The following MCU variants were observed in gnomAD, a reference collection of about 807,000 sequenced individuals.
MCU encodes the protein mitochondrial calcium uniporter.
In MCU, 12 loss-of-function variants were observed where a neutral mutation model predicts 45.2. The ratio of observed to expected loss-of-function variants is 0.27; its 90% CI spans 0.17 to 0.43. The LOEUF (loss-of-function observed/expected upper bound fraction) is 0.43, where lower values mean the gene tolerates loss of function less well. Ranked by LOEUF, MCU falls within the 20% of genes least tolerant of loss-of-function variation. The pLI is 1.00. For missense variants in MCU, 324 were observed against 436.7 expected, an observed-to-expected ratio of 0.74 and a Z score of 2.30; for synonymous variants, 160 against 165.1, an observed-to-expected ratio of 0.97 and a Z score of 0.24.
At chr10:72,692,906 G>C (rs1244273917) in intron 1 of MCU, 1 of 1,489,716 alleles carries the variant, frequency 6.7e-7, no homozygotes. Flanking sequence ...TGGGGAACCG[G>C]CTCCCTCGAG....
At chr10:72,798,594 C>T (rs1844289157) in intron 1 of MCU, among the ~76,000 whole-genome samples, 1 of 151,978 alleles carries the variant, frequency 6.6e-6, no homozygotes, top group East Asian at 1.9e-4. Flanking sequence ...TTGTATGCTC[C>T]TCTCAGGACT....
intron 1 of MCU, among the ~76,000 whole-genome samples, chr10:72,765,104 AAGAG>A (rs1307665134): frequency 6.0e-4 from 91 of 151,544 alleles, no homozygotes; most frequent in Admixed American, 1.2e-3. Context: ...AAAAAAAAAA[AAGAG>A]AGAGTTAGGG....
chr10:72,869,693 A>G (rs1426357246), intron 5 of MCU, among the ~76,000 whole-genome samples: 2 of 152,254 alleles, frequency 1.3e-5, no homozygotes, highest in Non-Finnish European at 2.9e-5. Context: ...ACATTGTATT[A>G]TAAGTAATCT....
intron 1 of MCU, among the ~76,000 whole-genome samples, chr10:72,751,341 C>CTTCTTTTTTTTTTTTTTTT (rs1474252109): frequency 2.2e-5 from 1 of 44,752 alleles, no homozygotes; most frequent in African/African-American, 8.4e-5. Flanking sequence ...TCTTCTTCTT[C>CTTCTTTTTTTTTTTTTTTT]TTTTTTTTTT....
intron 1 of MCU, among the ~76,000 whole-genome samples, chr10:72,744,675 T>C (rs1172066171): frequency 6.6e-6 from 1 of 152,192 alleles, no homozygotes; most frequent in Non-Finnish European, 1.5e-5. Flanking sequence ...TGGTCACAGC[T>C]TTGGGACAGA....
At chr10:72,726,384 T>TA (rs915303887) in intron 1 of MCU, among the ~76,000 whole-genome samples, 2 of 152,148 alleles carry the variant, frequency 1.3e-5, no homozygotes, top group Non-Finnish European at 2.9e-5. Context: ...AGTCAACTGA[T>TA]ACAGCTCTGT....
chr10:72,819,636 AT>A (rs1316226233), intron 1 of MCU, among the ~76,000 whole-genome samples: 1 of 150,954 alleles, frequency 6.6e-6, no homozygotes, highest in African/African-American at 2.4e-5. Context: ...TATTTTGAAA[AT>A]TTTCAAATCT....
intron 1 of MCU, among the ~76,000 whole-genome samples, chr10:72,805,026 T>C (rs576951175): frequency 6.6e-6 from 1 of 152,268 alleles, no homozygotes; most frequent in East Asian, 1.9e-4. Context: ...TGCCTCTGCC[T>C]CCCAAAGTTG....
intron 1 of MCU, among the ~76,000 whole-genome samples, chr10:72,769,018 A>AT (rs565569691): frequency 3.8e-4 from 56 of 145,996 alleles, no homozygotes; most frequent in African/African-American, 4.3e-4. Flanking sequence ...TGCACAGCTA[A>AT]TTTTTTTTTT....
At chr10:72,765,987 C>T (rs190372626) in intron 1 of MCU, among the ~76,000 whole-genome samples, 57 of 152,104 alleles carry the variant, frequency 3.7e-4, no homozygotes, top group Admixed American at 8.5e-4. Flanking sequence ...TTGACTCAGC[C>T]TCTTGAGTAG....
chr10:72,790,800 CA>C (rs1844147040), intron 1 of MCU, among the ~76,000 whole-genome samples: 1 of 152,202 alleles, frequency 6.6e-6, no homozygotes, highest in East Asian at 1.9e-4. Context: ...TGAATAACAC[CA>C]CTTCAGTCGA....
intron 1 of MCU, among the ~76,000 whole-genome samples, chr10:72,786,462 T>A (rs900988132): frequency 6.6e-6 from 1 of 152,142 alleles, no homozygotes; most frequent in African/African-American, 2.4e-5. Context: ...TTTTGAAGCA[T>A]GGCTGGGTGC....
intron 1 of MCU, among the ~76,000 whole-genome samples, chr10:72,810,764 G>T (rs1844531799): frequency 6.6e-6 from 1 of 151,980 alleles, no homozygotes. Context: ...CAAAGTGCTG[G>T]GATTACAGGT....
Position 72,864,710 on chromosome 10 carries a change from G to A in MCU, c.497-3993G>A, listed in dbSNP as rs568199121. ...AGGGGGGTGGTGCCCCAACACCCCC[G>A]CCACATTGTTCAAGGGTCAACTGTA... On this transcript the variant is annotated intron_variant, in intron 4 of 7. Coordinates refer to ENST00000373053, the MANE Select transcript of MCU (RefSeq NM_138357.3). 8.5e-5 allele frequency among the ~76,000 whole-genome samples: 13 copies of A among 152,228 alleles called. No homozygotes were observed. In the South Asian group the frequency reaches 1.2e-3, roughly 15 times the overall value.
intron 1 of MCU, among the ~76,000 whole-genome samples, chr10:72,726,383 AT>A (rs1843102524): frequency 6.6e-6 from 1 of 152,110 alleles, no homozygotes; most frequent in Non-Finnish European, 1.5e-5. Context: ...AAGTCAACTG[AT>A]ACAGCTCTGT....
At position 72,884,216 on chromosome 10, in the gene MCU, G is replaced by T. The variant is rs199713060; in HGVS notation, c.862-50G>T. 9.4e-6 allele frequency: 10 copies of T among 1,067,732 alleles called. No homozygotes were observed. The East Asian group carries it at 2.4e-4, about 25-fold the overall frequency. The allele number at this position is 1,067,732 out of a possible 1,614,324, so 66.1% of individuals were successfully genotyped here. A position where few individuals can be genotyped will look rare whatever the true frequency, so the allele number is the denominator to read the frequency against. On this transcript the variant is annotated intron_variant, in intron 6 of 7. Transcript: ENST00000373053. ...CTAAGCAGCAGTTAGTAAATATTTT[G>T]TGAAGATAGTATGCTAAGGACTGAT...
intron 1 of MCU, among the ~76,000 whole-genome samples, chr10:72,800,873 A>C (rs1227928236): frequency 1.3e-5 from 2 of 152,116 alleles, no homozygotes. Context: ...CTTTAATCTC[A>C]ACAGTTTGTG....
chr10:72,692,703 T>G, intron 1 of MCU: 8 of 1,235,884 alleles, frequency 6.5e-6, no homozygotes, highest in Non-Finnish European at 8.1e-6. Flanking sequence ...CCGGGCGGGT[T>G]GGGGAGTTCT....
At chr10:72,704,144 G>A (rs1000980092) in intron 1 of MCU, among the ~76,000 whole-genome samples, 2 of 152,146 alleles carry the variant, frequency 1.3e-5, no homozygotes, top group Non-Finnish European at 2.9e-5. Context: ...ATGAAGGCCG[G>A]GTGGAAAGGA....
Sources: gnomAD v4.1 joint callset for allele counts (sites outside exome capture counted in the v4.1 genomes callset) on GRCh38, gnomAD v4.1.1 for gene constraint, MANE v1.5 for transcripts, NCBI Gene and HGNC (gene_info 2026-07-23, HGNC 2026-07-21) for gene names.